The following BRD1 variants were observed in gnomAD, a reference collection of about 807,000 sequenced individuals.
BRD1 encodes bromodomain containing 1.
BRD1 carries 24 observed loss-of-function variants against 107.7 expected under a neutral mutation model. The ratio of observed to expected loss-of-function variants is 0.22; its 90% CI spans 0.16 to 0.31. The LOEUF (loss-of-function observed/expected upper bound fraction) is 0.31, where lower values mean the gene tolerates loss of function less well. Among genes scored for constraint, BRD1 ranks in the 10% least tolerant of loss-of-function variants. The pLI is 1.00. For synonymous variants in BRD1, 744 were observed against 686.1 expected, an observed-to-expected ratio of 1.08 and a Z score of -1.32; for missense variants, 1,279 against 1,638.6, an observed-to-expected ratio of 0.78 and a Z score of 3.79.
rs2059352993 is a variant in BRD1, at chr22:49,787,489, G to A, written c.2758C>T (p.Pro920Ser). Residue 920 changes from proline to serine, a missense_variant, in exon 8 of 13, where the codon CCG becomes TCG. Transcript: ENST00000404760. Reference protein sequence around the residue: ...GTKTFLSVVLPRLETLLQPRK... With the variant: ...GTKTFLSVVLSRLETLLQPRK... ...GGCTGCAGAAGAGTCTCCAACCTCGGAAGGACTACAGACAAAAAGGTTTTG... is the reference window on the plus strand; with the variant it reads ...GGCTGCAGAAGAGTCTCCAACCTCGAAAGGACTACAGACAAAAAGGTTTTG... 7.4e-6 allele frequency: 12 copies of A among 1,614,246 alleles called. No individual in the cohort carries two copies. Among genetic ancestry groups the A allele is most frequent in the Non-Finnish European group, 1.0e-5 (12 of 1,180,048 alleles).
intron 3 of BRD1, among the ~76,000 whole-genome samples, chr22:49,802,704 G>A (rs888480353): frequency 3.9e-5 from 6 of 152,010 alleles, no homozygotes; most frequent in Admixed American, 2.0e-4. Flanking sequence ...CGGGGGCCGA[G>A]ACCAATGCCT....
In BRD1 at chr22:49,780,530, C is replaced by T. The variant is rs142522164; in HGVS notation, c.2858-2717G>A. ...AGGCGGTCTGGGGGCTGCGGCAGTG[C>T]GGGGTCACCCAGGAAGCCAAGAAGC... On this transcript the variant is annotated intron_variant, in intron 8 of 12. Transcript: ENST00000404760. Among the ~76,000 whole-genome samples, 4 of 152,128 alleles carry T rather than the reference C, an allele frequency of 2.6e-5. No homozygotes were observed. In the South Asian group the frequency reaches 6.2e-4, roughly 24 times the overall value.
intron 1 of BRD1, chr22:49,826,126 G>C: frequency 1.0e-6 from 1 of 970,108 alleles, no homozygotes; most frequent in Non-Finnish European, 1.2e-6. Context: ...CTGAGGTGGG[G>C]CAGAAGCAAC....
chr22:49,796,355 CTTTTTT>C (rs1222094812), intron 6 of BRD1, among the ~76,000 whole-genome samples: 1 of 149,322 alleles, frequency 6.7e-6, no homozygotes, highest in African/African-American at 2.5e-5. Flanking sequence ...CGGCCTCTCT[CTTTTTT>C]CTTTTTTTTT....
In BRD1 at chr22:49,792,091, A is replaced by ACCATGCGAGGTCCTCAT. The variant is rs2059446159; in HGVS notation, c.2359+1942_2359+1943insATGAGGACCTCGCATGG. On this transcript the variant is annotated intron_variant, in intron 7 of 12. Transcript: ENST00000404760. The surrounding 1 kb of genome is among the most constrained non-coding windows in gnomAD (Gnocchi z 4.2). Reference sequence around the variant, plus strand: ...CAGCTCCAACCATGCGAGGTCCTCAACCATGCGAGGTCCTCAGTCCTGTGA... The same window carrying ACCATGCGAGGTCCTCAT: ...CAGCTCCAACCATGCGAGGTCCTCAACCATGCGAGGTCCTCATCCATGCGAGGTCCTCAGTCCTGTGA... Among the ~76,000 whole-genome samples, 2 of 152,204 alleles carry ACCATGCGAGGTCCTCAT rather than the reference A, an allele frequency of 1.3e-5. No homozygotes were observed. Among genetic ancestry groups the ACCATGCGAGGTCCTCAT allele is most frequent in the Non-Finnish European group, 2.9e-5 (2 of 68,040 alleles).
rs918471936 is a variant in BRD1 at position 49,775,639 on chromosome 22, G to C, written c.3338C>G (p.Ser1113Cys). 2 of 1,613,632 alleles carry C rather than the reference G, an allele frequency of 1.2e-6. No homozygotes were observed. The highest frequency in any genetic ancestry group is 1.3e-5 in the African/African-American group (1 of 75,010). The change falls in exon 12 of 13, where the codon TCT (serine) becomes TGT (cysteine). Residue 1113 changes from serine to cysteine, a missense_variant. This residue lies in a region of BRD1 where 136 missense variants were observed against 196.8 expected (regional missense o/e 0.69). Coordinates refer to ENST00000404760, the MANE Select transcript of BRD1 (RefSeq NM_001304808.3). ...LKIGEHMQTK[S>C]DEKLFLVLFF... ...GAGAACGAGGAACAGCTTCTCATCA[G>C]ACTTGGTCTGCATGTGCTCCCCAAT... is the stretch of plus-strand genomic sequence containing the variant.
chr22:49,804,355 T>C lies in BRD1; in HGVS notation c.1373A>G (p.Asn458Ser), dbSNP rs1274807818. The C allele has an allele frequency of 6.2e-7, 1 of 1,604,472 alleles. No individual in the cohort carries two copies. Among genetic ancestry groups the C allele is most frequent in the East Asian group, 2.2e-5 (1 of 44,602 alleles). Residue 458 changes from asparagine (N) to serine (S), a missense_variant, in exon 3 of 13, where the codon AAT (asparagine) becomes AGT (serine). By Grantham distance (46) the Asn-to-Ser change is conservative. Around this residue, in one of 7 missense-constraint regions of BRD1, gnomAD observed 87 missense variants for 77.1 expected, o/e 1.13. Coordinates refer to ENST00000404760, the MANE Select transcript of BRD1 (RefSeq NM_001304808.3). Reference protein sequence around the residue: ...CAPYIPPQRLNRIANQVAIQR... With the variant: ...CAPYIPPQRLSRIANQVAIQR... ...AATGGCCACCTGATTCGCAATCCTA[T>C]TTAACCTAAAACACAAACACTCAGT...
intron 2 of BRD1, among the ~76,000 whole-genome samples, chr22:49,809,916 T>C (rs2059818228): frequency 6.6e-6 from 1 of 152,204 alleles, no homozygotes. Context: ...CTTATACATT[T>C]GACCCAACAA....
rs759634290 is a variant in BRD1, at chr22:49,823,135, G to A, written c.1183C>T (p.Arg395Trp). 5.6e-6 allele frequency: 9 copies of A among 1,614,044 alleles called. No homozygotes were observed. Among genetic ancestry groups the A allele is most frequent in the Non-Finnish European group, 5.9e-6 (7 of 1,180,038 alleles). Residue 395 changes from arginine (R) to tryptophan (W), a missense_variant, in exon 2 of 13, where the codon CGG becomes TGG. Around this residue, in one of 7 missense-constraint regions of BRD1, gnomAD observed 158 missense variants for 310.2 expected, o/e 0.51. Transcript: ENST00000404760. ...TCCCCGTAAATATTCAGAGGCCTCC[G>A]GGTGCAGCCTGGAGGCGTGTGGACA... ...CDVHTPPGCT[R>W]RPLNIYGDVE...
Position 49,777,808 on chromosome 22 carries a change from T to C in BRD1, c.2863A>G (p.Thr955Ala), listed in dbSNP as rs1341579792. ...CTCCTCGCACCCCCAAAGCCGTTGG[T>C]GAGACCTGGAACACAGGCGGGCAGG... ...SPGKRLDAGL[T>A]NGFGGARSEQ... The change falls in exon 9 of 13, where the codon ACC becomes GCC. Residue 955 changes from threonine to alanine, a missense_variant. Physicochemically the swap from Thr to Ala is moderately conservative, Grantham distance 58. Coordinates refer to ENST00000404760, the MANE Select transcript of BRD1 (RefSeq NM_001304808.3). The C allele has an allele frequency of 3.8e-6, 6 of 1,599,918 alleles. No individual in the cohort carries two copies. The highest frequency in any genetic ancestry group is 5.1e-6 in the Non-Finnish European group (6 of 1,177,178).
chr22:49,799,069 C>A lies in BRD1; in HGVS notation c.1575G>T (p.Trp525Cys). ...MKAAKEKLKY[W>C]QRLRHDLERA... ...GCTCCAGGTCGTGCCGCAGCCGCTG[C>A]CAGTACTTCAGCTTCTCTTTGGCAG... Residue 525 changes from tryptophan (W) to cysteine (C), a missense_variant, in exon 4 of 13, where the codon TGG becomes TGT. Physicochemically the swap from Trp to Cys is radical, Grantham distance 215. Around this residue, in one of 7 missense-constraint regions of BRD1, gnomAD observed 406 missense variants for 519.4 expected, o/e 0.78. Transcript: ENST00000404760. The A allele has an allele frequency of 6.2e-7, 1 of 1,611,068 alleles. No individual in the cohort carries two copies. Among genetic ancestry groups the A allele is most frequent in the Non-Finnish European group, 8.5e-7 (1 of 1,179,974 alleles).
chr22:49,782,222 G>A (rs182851376), intron 8 of BRD1, among the ~76,000 whole-genome samples: 4 of 151,796 alleles, frequency 2.6e-5, no homozygotes, highest in African/African-American at 7.2e-5. Context: ...ATGTTGCTGG[G>A]ACCCGCTCCG....
intron 2 of BRD1, among the ~76,000 whole-genome samples, chr22:49,815,477 A>G (rs1471389617): frequency 6.6e-6 from 1 of 151,868 alleles, no homozygotes; most frequent in Non-Finnish European, 1.5e-5. Flanking sequence ...CAGGGGGCAG[A>G]GGTTGCAGTG....
rs777421216 is a variant in BRD1 at position 49,820,088 on chromosome 22, G to T, written c.1367+2863C>A. On this transcript the variant is annotated intron_variant, in intron 2 of 12. Coordinates refer to ENST00000404760, the MANE Select transcript of BRD1 (RefSeq NM_001304808.3). ...GAGGTTGCAGTGAGCCAAGATCACC[G>T]CACTGCACTGCAGCCTGGGCAACAA... Among the ~76,000 whole-genome samples the T allele has an allele frequency of 4.0e-5, 6 of 151,846 alleles. No individual in the cohort carries two copies. In the East Asian group the frequency reaches 1.2e-3, roughly 30 times the overall value.
At chr22:49,791,482 C>G (rs2059433150) in intron 7 of BRD1, among the ~76,000 whole-genome samples, 1 of 152,200 alleles carries the variant, frequency 6.6e-6, no homozygotes, top group South Asian at 2.1e-4. Flanking sequence ...TTACTCTTTT[C>G]AGGTGTGAAA....
At chr22:49,816,399 C>T (rs1412129238) in intron 2 of BRD1, among the ~76,000 whole-genome samples, 1 of 152,034 alleles carries the variant, frequency 6.6e-6, no homozygotes, top group Non-Finnish European at 1.5e-5. Flanking sequence ...AGCTGGGATC[C>T]TCACAGGGCC....
At chr22:49,801,746 A>C (rs572007434) in intron 3 of BRD1, among the ~76,000 whole-genome samples, 4 of 152,206 alleles carry the variant, frequency 2.6e-5, no homozygotes, top group Non-Finnish European at 4.4e-5. Context: ...GAGGCCTAAC[A>C]GGCAGCGATG....
At chr22:49,788,238 A>G (rs916389075) in intron 7 of BRD1, among the ~76,000 whole-genome samples, 1 of 152,254 alleles carries the variant, frequency 6.6e-6, no homozygotes, top group African/African-American at 2.4e-5. Flanking sequence ...GGTATCTCAC[A>G]TAACTAAAGG....
At chr22:49,814,695 G>A (rs929947787) in intron 2 of BRD1, among the ~76,000 whole-genome samples, 1 of 152,186 alleles carries the variant, frequency 6.6e-6, no homozygotes, top group South Asian at 2.1e-4. Context: ...CCACCAGCCC[G>A]AGCCCAGGAG....
Sources: allele counts gnomAD v4.1 joint callset (sites outside exome capture counted in the v4.1 genomes callset), GRCh38; gene constraint gnomAD v4.1.1; regional missense constraint gnomAD v4.1.1; non-coding constraint Gnocchi (gnomAD v3.1); transcripts MANE v1.5; gene names NCBI Gene and HGNC (gene_info 2026-07-23, HGNC 2026-07-21).